The following FBXW5 variants were observed in gnomAD, a reference collection of about 807,000 sequenced individuals.
FBXW5 encodes F-box/WD repeat-containing protein 5.
In FBXW5, 74 loss-of-function variants were observed where a neutral mutation model predicts 50.9. The ratio of observed to expected loss-of-function variants is 1.45; its 90% confidence interval spans 1.20 to 1.76. FBXW5 has a LOEUF of 1.76. Among genes scored for constraint, FBXW5 ranks in the 40% most tolerant of loss-of-function variants. FBXW5 has a pLI of 0.00. For synonymous variants in FBXW5, 523 were observed against 362.2 expected (o/e 1.44, Z -5.04); for missense variants, 1,073 against 818.8 (o/e 1.31, Z -3.79).
At position 136,944,681 on chromosome 9, in the gene FBXW5, G is replaced by A. The variant is rs963741857; in HGVS notation, c.-111C>T. 344 of 985,856 alleles carry A rather than the reference G, an allele frequency of 3.5e-4. No individual in the cohort carries two copies. Among genetic ancestry groups the A allele is most frequent in the Non-Finnish European group, 4.0e-4 (336 of 829,892 alleles). 61.1% of individuals were successfully genotyped at this position (985,856 alleles called of 1,614,324 possible). On this transcript the variant is annotated 5_prime_UTR_variant, in exon 1 of 9. Coordinates refer to ENST00000325285, the MANE Select transcript of FBXW5 (RefSeq NM_018998.4). The stretch of plus-strand genomic sequence containing the variant: ...CGCAGCCGCTCGGACCGCCGCCCCC[G>A]CCCAACGGGGAGCCCGCCAGGCCCG...
chr9:136,941,121 C>G lies in FBXW5; in HGVS notation c.1508G>C (p.Cys503Ser). ...ATCCTCGTGCCGCAGCCTGGCCAGA[C>G]AGATGTTGTAGTGGCGGTCCCAGAT... ...GYIWDRHYNICLARLRHEDVV... is the reference protein window; with the variant it reads ...GYIWDRHYNISLARLRHEDVV... Residue 503 changes from cysteine (C) to serine (S), a missense_variant, in exon 9 of 9, where the codon TGT (cysteine) becomes TCT (serine). Transcript: ENST00000325285. The G allele has an allele frequency of 6.2e-7, 1 of 1,600,100 alleles. No individual in the cohort carries two copies. Among genetic ancestry groups the G allele is most frequent in the South Asian group, 1.1e-5 (1 of 89,240 alleles).
chr9:136,942,055 G>T lies in FBXW5; in HGVS notation c.1087C>A (p.His363Asn). The stretch of plus-strand genomic sequence containing the variant: ...GGCGGCAGGGGTGTACCGATCTGGT[G>T]TGGGGAGTAGGTGAGGCAGCCAGTG... Reference protein sequence around the residue: ...FTTGCLTYSPHQIGIKQILPH... With the variant: ...FTTGCLTYSPNQIGIKQILPH... The change falls in exon 6 of 9, where the codon CAC becomes AAC. Residue 363 changes from histidine to asparagine, a missense_variant. Coordinates refer to ENST00000325285, the MANE Select transcript of FBXW5 (RefSeq NM_018998.4). 3.7e-6 allele frequency: 6 copies of T among 1,609,146 alleles called. No individual in the cohort carries two copies. The highest frequency in any genetic ancestry group is 5.1e-6 in the Non-Finnish European group (6 of 1,176,624).
rs1850809631 is a variant in FBXW5 at position 136,942,329 on chromosome 9, GT to G, written c.812del (p.Asp271AlafsTer53). The G allele has an allele frequency of 2.5e-6, 4 of 1,601,018 alleles. No individual in the cohort carries two copies. The highest frequency in any genetic ancestry group is 3.4e-6 in the Non-Finnish European group (4 of 1,174,926). The part of the protein sequence containing the change: ...DSPDLLLEAG[D>X]PATSPCRIFD... ...AGATGCGGCAGGGGGACGTGGCCGG[GT>G]CACCGGCTTCCAGCAGCAGGTCAGG... On this transcript the variant is annotated frameshift_variant, in exon 6 of 9. Transcript: ENST00000325285. LOFTEE classifies it high-confidence loss of function.
chr9:136,940,791 C>T lies in FBXW5; in HGVS notation c.*137G>A, dbSNP rs759743273. 810 of 1,306,116 alleles carry T rather than the reference C, an allele frequency of 6.2e-4. 3 individuals carry two copies. The highest frequency in any genetic ancestry group is 7.9e-4 in the Non-Finnish European group (771 of 971,226). The allele number at this position is 1,306,116 out of a possible 1,614,324, so 80.9% of individuals were successfully genotyped here. On this transcript the variant is annotated 3_prime_UTR_variant, in exon 9 of 9. Transcript: ENST00000325285. ...CTGCGTGAGCAGGTTTGTGTGTGAG[C>T]GTGTGGCGGGGCCTGGTTGTCCCCT...
At chr9:136,942,512 C>G in intron 5 of FBXW5, 35 bp downstream of exon 5, 1 of 1,600,688 alleles carries the variant, frequency 6.2e-7, no homozygotes, top group Non-Finnish European at 8.5e-7. Context: ...CGCCAGGCCC[C>G]AGGAGGGCAG....
chr9:136,941,303 T>C lies in FBXW5; in HGVS notation c.1405A>G (p.Asn469Asp), dbSNP rs752483874. ...AGGAAGATGAAGAAGCACTCGTCGT[T>C]GGGCGTGTAGGCGCGGTGCGCACGC... Reference protein sequence around the residue: ...ALRAHRAYTPNDECFFIFLDV... With the variant: ...ALRAHRAYTPDDECFFIFLDV... The change falls in exon 8 of 9, where the codon AAC (asparagine) becomes GAC (aspartate). Residue 469 changes from asparagine (N) to aspartate (D), a missense_variant. Physicochemically the swap from Asn to Asp is conservative, Grantham distance 23. Coordinates refer to ENST00000325285, the MANE Select transcript of FBXW5 (RefSeq NM_018998.4). 1.1e-5 allele frequency: 17 copies of C among 1,609,620 alleles called. No individual in the cohort carries two copies. The highest frequency in any genetic ancestry group is 1.4e-5 in the Non-Finnish European group (17 of 1,179,844).
rs767608977 is a variant in FBXW5 at position 136,942,106 on chromosome 9, C to T, written c.1036G>A (p.Ala346Thr). 2.8e-5 allele frequency: 45 copies of T among 1,612,644 alleles called. No homozygotes were observed. The highest frequency in any genetic ancestry group is 5.3e-5 in the African/African-American group (4 of 74,908). The change falls in exon 6 of 9, where the codon GCC becomes ACC. Residue 346 changes from alanine to threonine, a missense_variant. Ala to Thr is a moderately conservative substitution (Grantham distance 58). Coordinates refer to ENST00000325285, the MANE Select transcript of FBXW5 (RefSeq NM_018998.4). The stretch of plus-strand genomic sequence containing the variant: ...GTGAAGATGAGGTACTTGCTCTTGG[C>T]GCCTGTGGCACTGCGCTCGGGTGGC... Reference protein sequence around the residue: ...TKPPERSATGAKSKYLIFTTG... With the variant: ...TKPPERSATGTKSKYLIFTTG...
chr9:136,942,311 G>C lies in FBXW5; in HGVS notation c.831C>G (p.Cys277Trp). 6.3e-7 allele frequency: 1 copy of C among 1,597,030 alleles called. No homozygotes were observed. ...TGTCGCTGCCCAGGTCAAAGATGCG[G>C]CAGGGGGACGTGGCCGGGTCACCGG... is the stretch of plus-strand genomic sequence containing the variant. ...LEAGDPATSP[C>W]RIFDLGSDNE... is the part of the protein sequence containing the mutation. Residue 277 changes from cysteine to tryptophan, a missense_variant, in exon 6 of 9, where the codon TGC becomes TGG. By Grantham distance (215) the Cys-to-Trp change is radical. Coordinates refer to ENST00000325285, the MANE Select transcript of FBXW5 (RefSeq NM_018998.4).
Position 136,940,572 on chromosome 9 carries a change from C to T in FBXW5, c.*356G>A. ...CAGCCAGGAGCAGCCCCTGCCACCA[C>T]TGGGCCACCGTCCAGGGCCCCACAG... is the stretch of plus-strand genomic sequence containing the variant. On this transcript the variant is annotated 3_prime_UTR_variant, in exon 9 of 9. Transcript: ENST00000325285. 3.3e-6 allele frequency: 1 copy of T among 300,924 alleles called. No homozygotes were observed. The highest frequency in any genetic ancestry group is 6.5e-6 in the Non-Finnish European group (1 of 154,930). The allele number at this position is 300,924 out of a possible 1,614,324, so 18.6% of individuals were successfully genotyped here. A position where few individuals can be genotyped will look rare whatever the true frequency, so the allele number is the denominator to read the frequency against.
chr9:136,942,119 G>C lies in FBXW5; in HGVS notation c.1023C>G (p.Arg341=), dbSNP rs756335648. The part of the protein sequence containing the change: ...LAQGHTKPPE[R]SATGAKSKYL... ...ACTTGCTCTTGGCGCCTGTGGCACT[G>C]CGCTCGGGTGGCTTGGTGTGGCCCT... is the stretch of plus-strand genomic sequence containing the variant. Residue 341 remains arginine, a synonymous_variant, in exon 6 of 9, where the codon CGC becomes CGG. Coordinates refer to ENST00000325285, the MANE Select transcript of FBXW5 (RefSeq NM_018998.4). 5 of 1,612,174 alleles carry C rather than the reference G, an allele frequency of 3.1e-6. No individual in the cohort carries two copies. In the African/African-American group the frequency reaches 5.3e-5, roughly 17 times the overall value.
chr9:136,944,463 G>A (rs1270902156), intron 1 of FBXW5, 131 bp downstream of exon 1: 8 of 976,504 alleles, frequency 8.2e-6, no homozygotes, highest in Non-Finnish European at 9.7e-6. Context: ...TGCGGCCCTG[G>A]AGCAGCTCTG....
Position 136,944,680 on chromosome 9 carries a change from C to T in FBXW5, c.-110G>A. On this transcript the variant is annotated 5_prime_UTR_variant, in exon 1 of 9. Transcript: ENST00000325285. ...CCGCAGCCGCTCGGACCGCCGCCCC[C>T]GCCCAACGGGGAGCCCGCCAGGCCC... is the stretch of plus-strand genomic sequence containing the variant. The T allele has an allele frequency of 1.0e-6, 1 of 985,976 alleles. No individual in the cohort carries two copies. The highest frequency in any genetic ancestry group is 5.2e-4 in the Middle Eastern group (1 of 1,916). 61.1% of individuals were successfully genotyped at this position (985,976 alleles called of 1,614,324 possible).
intron 3 of FBXW5, 63 bp from the exon 4 acceptor site, chr9:136,943,006 A>C (rs751799285): frequency 5.5e-5 from 89 of 1,604,934 alleles, no homozygotes; most frequent in Non-Finnish European, 7.0e-5. Flanking sequence ...GCCTGCTACT[A>C]CACAGCCATG....
chr9:136,944,307 C>T lies in FBXW5; in HGVS notation c.-23-201G>A, dbSNP rs1033722276. Reference sequence around the variant, plus strand: ...CCGGCCCCTCTCCGCCGCGTCATCCCCCGGCCTCCTGCGGCCGGCAGCGGG... The same window carrying T: ...CCGGCCCCTCTCCGCCGCGTCATCCTCCGGCCTCCTGCGGCCGGCAGCGGG... On this transcript the variant is annotated intron_variant, in intron 1 of 8. Coordinates refer to ENST00000325285, the MANE Select transcript of FBXW5 (RefSeq NM_018998.4). 9 of 630,910 alleles carry T rather than the reference C, an allele frequency of 1.4e-5. No homozygotes were observed. The African/African-American group carries it at 1.7e-4, about 12-fold the overall frequency. The allele number at this position is 630,910 out of a possible 1,614,324, so 39.1% of individuals were successfully genotyped here. A position where few individuals can be genotyped will look rare whatever the true frequency, so the allele number is the denominator to read the frequency against.
At chr9:136,944,393 G>C in intron 1 of FBXW5, 1 of 747,750 alleles carries the variant, frequency 1.3e-6, no homozygotes, top group Non-Finnish European at 1.7e-6. Context: ...ACCAGGCGCC[G>C]TCCGGGGACG....
intron 2 of FBXW5, among the ~76,000 whole-genome samples, 187 bp downstream of exon 2, chr9:136,943,704 G>A (rs1850904968): frequency 6.6e-6 from 1 of 152,208 alleles, no homozygotes; most frequent in Non-Finnish European, 1.5e-5. Flanking sequence ...GTGACCCAAT[G>A]AACCCTCTGG....
intron 3 of FBXW5, 81 bp downstream of exon 3, chr9:136,943,268 C>G: frequency 7.0e-7 from 1 of 1,424,270 alleles, no homozygotes. Flanking sequence ...CCACCACCAC[C>G]TGGTTGGAAC....
chr9:136,941,514 TG>T (rs1850764130), intron 7 of FBXW5, 22 bp downstream of exon 7: 2 of 1,606,552 alleles, frequency 1.2e-6, no homozygotes, highest in Non-Finnish European at 1.7e-6. Flanking sequence ...GCACCCCGCC[TG>T]GGACACTGGC....
In FBXW5 at chr9:136,940,546, A is replaced by G. The variant is rs1850710672; in HGVS notation, c.*382T>C. Reference sequence around the variant, plus strand: ...GCTCCCAAGCCCCGGGCGCACAACCACAGCCAGGAGCAGCCCCTGCCACCA... The same window carrying G: ...GCTCCCAAGCCCCGGGCGCACAACCGCAGCCAGGAGCAGCCCCTGCCACCA... On this transcript the variant is annotated 3_prime_UTR_variant, in exon 9 of 9. Transcript: ENST00000325285. 7.5e-6 allele frequency: 2 copies of G among 266,468 alleles called. No homozygotes were observed. Among genetic ancestry groups the G allele is most frequent in the Non-Finnish European group, 1.5e-5 (2 of 135,514 alleles). The allele number at this position is 266,468 out of a possible 1,614,324, so 16.5% of individuals were successfully genotyped here. A position where few individuals can be genotyped will look rare whatever the true frequency, so the allele number is the denominator to read the frequency against.
Sources: allele counts gnomAD v4.1 joint callset (sites outside exome capture counted in the v4.1 genomes callset), GRCh38; gene constraint gnomAD v4.1.1; transcripts MANE v1.5; gene names NCBI Gene and HGNC (gene_info 2026-07-23, HGNC 2026-07-21).